Variants in MGAT5 observed in about 807,000 individuals in gnomAD.
The protein encoded by MGAT5 is alpha-1,6-mannosylglycoprotein 6-beta-N-acetylglucosaminyltransferase, also known as alpha-1,6-mannosylglycoprotein 6-beta-N-acetylglucosaminyltransferase A.
A neutral mutation model predicts 94.3 loss-of-function variants in MGAT5; 30 were observed. That is an observed-to-expected ratio of 0.32 (90% confidence interval 0.24 to 0.43). MGAT5 has a LOEUF of 0.43. Among genes scored for constraint, MGAT5 ranks in the 20% least tolerant of loss-of-function variants. The pLI is 1.00. For missense variants in MGAT5, 691 were observed against 905.5 expected (o/e 0.76, Z 3.04); for synonymous variants, 310 against 322.9 (o/e 0.96, Z 0.43).
chr2:134,204,106 T>C (rs1172138812), intron 1 of MGAT5, among the ~76,000 whole-genome samples: 1 of 152,252 alleles, frequency 6.6e-6, no homozygotes, highest in African/African-American at 2.4e-5. Flanking sequence ...TTAACCATGC[T>C]GTTTACATGG....
chr2:134,412,609 A>T (rs1203105758), intron 11 of MGAT5, among the ~76,000 whole-genome samples: 1 of 151,834 alleles, frequency 6.6e-6, no homozygotes, highest in Non-Finnish European at 1.5e-5. Context: ...ACCCCTAGAC[A>T]CTTAATTTTT....
chr2:134,428,565 G>C, intron 14 of MGAT5, 126 bp downstream of exon 14: 1 of 790,350 alleles, frequency 1.3e-6, no homozygotes, highest in Non-Finnish European at 2.1e-6. Context: ...GGAGACTCTA[G>C]AAGCTGGATA....
rs745900701 is a variant in MGAT5, at chr2:134,273,032, TGC to T, written c.406+2486_406+2487del. 5.4e-3 allele frequency among the ~76,000 whole-genome samples: 668 copies of T among 123,796 alleles called. 1 individual carries two copies. Among genetic ancestry groups the T allele is most frequent in the South Asian group, 0.015 (61 of 3,958 alleles). The allele number at this position is 123,796 out of a possible 152,430, so 81.2% of individuals were successfully genotyped here. A position where few individuals can be genotyped will look rare whatever the true frequency, so the allele number is the denominator to read the frequency against. On this transcript the variant is annotated intron_variant, in intron 2 of 15. Transcript: ENST00000281923. Reference sequence around the variant, plus strand: ...GTCTGTGTGTGTGTGCGCGCGCGCGTGCGCGTGCATGCATGCAGAGGCATCCC... The same window carrying T: ...GTCTGTGTGTGTGTGCGCGCGCGCGTGCGTGCATGCATGCAGAGGCATCCC...
intron 15 of MGAT5, 134 bp from the exon 16 acceptor site, chr2:134,448,515 C>A: frequency 2.5e-6 from 2 of 810,452 alleles, no homozygotes; most frequent in South Asian, 3.1e-5. Context: ...AGGGTGGGCA[C>A]CATTTCATTT....
At chr2:134,174,953 C>T (rs1192206776) in intron 1 of MGAT5, among the ~76,000 whole-genome samples, 2 of 152,202 alleles carry the variant, frequency 1.3e-5, no homozygotes, top group Non-Finnish European at 2.9e-5. Flanking sequence ...TGGGAAGTGG[C>T]TCAGAATCCC....
intron 13 of MGAT5, among the ~76,000 whole-genome samples, chr2:134,427,854 C>G (rs918881940): frequency 6.6e-6 from 1 of 152,250 alleles, no homozygotes; most frequent in Non-Finnish European, 1.5e-5. Flanking sequence ...AGACCAAATA[C>G]AGGTCACTGT....
At chr2:134,307,916 T>C (rs566860587) in intron 2 of MGAT5, among the ~76,000 whole-genome samples, 15 of 152,178 alleles carry the variant, frequency 9.9e-5, no homozygotes, top group African/African-American at 3.6e-4. Flanking sequence ...GCAGAACCAC[T>C]GCCTGGGGCC....
chr2:134,405,635 G>A (rs568857160), intron 11 of MGAT5, among the ~76,000 whole-genome samples: 67 of 152,362 alleles, frequency 4.4e-4, no homozygotes, highest in Non-Finnish European at 7.2e-4. Context: ...AGAAGCAGAT[G>A]TCTGCAGCAT....
chr2:134,168,008 A>G (rs529651100), intron 1 of MGAT5, among the ~76,000 whole-genome samples: 22 of 152,348 alleles, frequency 1.4e-4, no homozygotes, highest in African/African-American at 5.3e-4. Flanking sequence ...CAAAGTAGCT[A>G]TCAGCAAAAT....
intron 9 of MGAT5, among the ~76,000 whole-genome samples, chr2:134,357,642 T>C (rs1162396651): frequency 6.6e-6 from 1 of 152,252 alleles, no homozygotes; most frequent in Non-Finnish European, 1.5e-5. Flanking sequence ...TGCAGACCAC[T>C]GAGGATTAGG....
In MGAT5 at chr2:134,344,972, T is replaced by G. The variant is rs757548562; in HGVS notation, c.1020T>G (p.Thr340=). The part of the protein sequence containing the change: ...KVVGNRSGCP[T]VGDRIVELIY... ...TAGGAAACCGATCTGGCTGCCCAAC[T>G]GTAGGAGACAGAATTGTTGAGCTCA... The change falls in exon 8 of 16, where the codon ACT becomes ACG. Residue 340 remains threonine (T), a synonymous_variant. Transcript: ENST00000281923. 2.5e-6 allele frequency: 4 copies of G among 1,613,488 alleles called. No homozygotes were observed.
chr2:134,224,678 G>T (rs1680963317), intron 1 of MGAT5, among the ~76,000 whole-genome samples: 1 of 152,116 alleles, frequency 6.6e-6, no homozygotes, highest in Non-Finnish European at 1.5e-5. Flanking sequence ...AAAAGCTATG[G>T]TAGAGAGTTT....
chr2:134,349,908 C>T lies in MGAT5; in HGVS notation c.1216C>T (p.Leu406=). ...CAAGACCCCTTGGGGAAAATGGAATCTGAACCCTCAGCAGTTTTATACCAT... is the reference window on the plus strand; with the variant it reads ...CAAGACCCCTTGGGGAAAATGGAATTTGAACCCTCAGCAGTTTTATACCAT... ...GHKTPWGKWN[L]NPQQFYTMFP... is the part of the protein sequence containing the mutation. The change falls in exon 9 of 16, where the codon CTG becomes TTG. Residue 406 remains leucine, a synonymous_variant. Coordinates refer to ENST00000281923, the MANE Select transcript of MGAT5 (RefSeq NM_002410.5). 1 of 1,613,438 alleles carries T rather than the reference C, an allele frequency of 6.2e-7. No homozygotes were observed. Among genetic ancestry groups the T allele is most frequent in the Non-Finnish European group, 8.5e-7 (1 of 1,179,608 alleles).
At chr2:134,206,239 T>C (rs1680016424) in intron 1 of MGAT5, among the ~76,000 whole-genome samples, 3 of 152,174 alleles carry the variant, frequency 2.0e-5, no homozygotes, top group African/African-American at 2.4e-5. Flanking sequence ...GAAAGAGAAG[T>C]GATTTCTGAA....
At chr2:134,178,902 A>G (rs1688604486) in intron 1 of MGAT5, among the ~76,000 whole-genome samples, 1 of 152,196 alleles carries the variant, frequency 6.6e-6, no homozygotes, top group Non-Finnish European at 1.5e-5. Context: ...TCATTGACTC[A>G]TCAAAGCCAT....
intron 13 of MGAT5, among the ~76,000 whole-genome samples, chr2:134,426,024 G>A (rs1684568123): frequency 6.6e-6 from 1 of 152,058 alleles, no homozygotes; most frequent in East Asian, 1.9e-4. Flanking sequence ...CCCCAAAGAG[G>A]CCTTCACTTG....
At chr2:134,267,517 C>G (rs1238581656) in intron 1 of MGAT5, among the ~76,000 whole-genome samples, 1 of 152,172 alleles carries the variant, frequency 6.6e-6, no homozygotes, top group Admixed American at 6.5e-5. Context: ...CTTTTACACT[C>G]CATGTCACAC....
intron 14 of MGAT5, among the ~76,000 whole-genome samples, chr2:134,438,516 G>T (rs1053018271): frequency 6.6e-6 from 1 of 152,180 alleles, no homozygotes; most frequent in African/African-American, 2.4e-5. Flanking sequence ...AATGGGATGG[G>T]CAGAGTGTCA....
intron 2 of MGAT5, among the ~76,000 whole-genome samples, chr2:134,315,169 C>G (rs1290667807): frequency 6.6e-6 from 1 of 152,218 alleles, no homozygotes; most frequent in East Asian, 1.9e-4. Flanking sequence ...CTGCTTCACC[C>G]TGCCCTACCA....
Sources: gnomAD v4.1 joint callset for allele counts (sites outside exome capture counted in the v4.1 genomes callset) on GRCh38, gnomAD v4.1.1 for gene constraint, MANE v1.5 for transcripts, NCBI Gene and HGNC (gene_info 2026-07-23, HGNC 2026-07-21) for gene names.